The following SBF2 variants were observed in gnomAD, a reference collection of about 807,000 sequenced individuals.
SBF2 encodes SET binding factor 2.
In SBF2, 112 loss-of-function variants were observed where a neutral mutation model predicts 225.2. The observed-to-expected ratio is 0.50, with a 90% CI of 0.43 to 0.58. The LOEUF is 0.58. Among genes scored for constraint, SBF2 ranks in the 20% least tolerant of loss-of-function variants. SBF2 has a pLI of 0.00. For missense variants in SBF2, 1,996 were observed against 2,206.2 expected (o/e 0.90, Z 1.91); for synonymous variants, 763 against 773.3 (o/e 0.99, Z 0.22).
intron 2 of SBF2, among the ~76,000 whole-genome samples, chr11:10,192,908 C>T (rs11042656): frequency 0.095 from 14,461 of 152,180 alleles, 940 homozygotes; most frequent in East Asian, 0.28. Context: ...AACCAAACTT[C>T]GTAGACATAT....
At chr11:10,241,456 AAGATG>A (rs756372242) in intron 1 of SBF2, among the ~76,000 whole-genome samples, 73 of 152,228 alleles carry the variant, frequency 4.8e-4, no homozygotes, top group Admixed American at 9.2e-4. Flanking sequence ...GAAGTAAATA[AAGATG>A]AGAACAGAAT....
At chr11:9,963,501 C>G (rs1355714925) in intron 15 of SBF2, among the ~76,000 whole-genome samples, 1 of 152,000 alleles carries the variant, frequency 6.6e-6, no homozygotes, top group Non-Finnish European at 1.5e-5. Context: ...TTTTAAGTTT[C>G]TAAGTAATAT....
intron 2 of SBF2, among the ~76,000 whole-genome samples, chr11:10,118,687 C>T (rs1334592088): frequency 1.3e-5 from 2 of 151,938 alleles, no homozygotes; most frequent in Admixed American, 1.3e-4. Context: ...ATGTAATGTA[C>T]CTGTTCCCCC....
chr11:10,186,640 A>C (rs1240212976), intron 2 of SBF2, among the ~76,000 whole-genome samples: 1 of 152,210 alleles, frequency 6.6e-6, no homozygotes, highest in Non-Finnish European at 1.5e-5. Flanking sequence ...ATAACTGGTT[A>C]AATCATTGCC....
At chr11:9,784,299 G>T in intron 38 of SBF2, 52 bp downstream of exon 38, 2 of 1,321,020 alleles carry the variant, frequency 1.5e-6, no homozygotes, top group South Asian at 1.2e-5. Context: ...AATAGCCAGG[G>T]ACTGGGACTA....
intron 1 of SBF2, among the ~76,000 whole-genome samples, chr11:10,233,348 T>C (rs997763516): frequency 1.3e-5 from 2 of 152,154 alleles, no homozygotes; most frequent in African/African-American, 4.8e-5. Flanking sequence ...GGAAGAATTC[T>C]ATTCCTGTCT....
At chr11:10,285,367 G>A (rs1469936930) in intron 1 of SBF2, among the ~76,000 whole-genome samples, 1 of 151,720 alleles carries the variant, frequency 6.6e-6, no homozygotes, top group African/African-American at 2.4e-5. Flanking sequence ...AGGAAAAAGG[G>A]AGGGAGGGAC....
intron 17 of SBF2, among the ~76,000 whole-genome samples, chr11:9,887,265 T>C (rs2134106259): frequency 6.6e-6 from 1 of 151,946 alleles, no homozygotes; most frequent in Non-Finnish European, 1.5e-5. Flanking sequence ...AAAAATACTG[T>C]TAATTATTCA....
chr11:9,865,515 C>T (rs968109884), intron 17 of SBF2, among the ~76,000 whole-genome samples: 2 of 151,632 alleles, frequency 1.3e-5, no homozygotes, highest in Non-Finnish European at 2.9e-5. Flanking sequence ...CATAGTGAAA[C>T]CCTGTCTCTA....
At chr11:10,053,468 T>A (rs1950132205) in intron 2 of SBF2, among the ~76,000 whole-genome samples, 1 of 152,212 alleles carries the variant, frequency 6.6e-6, no homozygotes, top group South Asian at 2.1e-4. Flanking sequence ...TTATAAACTA[T>A]ATTCTGACCA....
chr11:10,300,923 A>T (rs1393134799), intron 1 of SBF2, among the ~76,000 whole-genome samples: 1 of 151,420 alleles, frequency 6.6e-6, no homozygotes, highest in African/African-American at 2.4e-5. Context: ...TGCTAGGATT[A>T]CAGGCACGAG....
chr11:10,165,425 A>G (rs1955908374), intron 2 of SBF2, among the ~76,000 whole-genome samples: 1 of 152,232 alleles, frequency 6.6e-6, no homozygotes, highest in African/African-American at 2.4e-5. Flanking sequence ...TGACTGCCAG[A>G]ATAATAGCAA....
At chr11:10,288,718 T>C (rs1963958101) in intron 1 of SBF2, among the ~76,000 whole-genome samples, 1 of 151,934 alleles carries the variant, frequency 6.6e-6, no homozygotes, top group African/African-American at 2.4e-5. Flanking sequence ...CATCTCTGCA[T>C]CTATCAGCAG....
chr11:9,832,093 T>C, intron 27 of SBF2, 131 bp downstream of exon 27: 1 of 769,124 alleles, frequency 1.3e-6, no homozygotes, highest in Non-Finnish European at 2.3e-6. Context: ...ATGTTGCATG[T>C]AGCAAAGTGG....
chr11:10,255,164 T>C (rs1021718491), intron 1 of SBF2, among the ~76,000 whole-genome samples: 2 of 152,068 alleles, frequency 1.3e-5, no homozygotes, highest in Admixed American at 6.5e-5. Context: ...AAGAGAACTA[T>C]TGTATGTCAT....
At chr11:10,287,071 T>A (rs1205496248) in intron 1 of SBF2, among the ~76,000 whole-genome samples, 1 of 152,102 alleles carries the variant, frequency 6.6e-6, no homozygotes, top group Admixed American at 6.6e-5. Flanking sequence ...CAACTGCCAA[T>A]AAATTCAACA....
In SBF2 at chr11:10,237,117, C is replaced by T. The variant is rs553873822; in HGVS notation, c.56-43130G>A. Among the ~76,000 whole-genome samples, 18 of 152,110 alleles carry T rather than the reference C, an allele frequency of 1.2e-4. No homozygotes were observed. The South Asian group carries it at 2.7e-3, about 23-fold the overall frequency. On this transcript the variant is annotated intron_variant, in intron 1 of 39. Transcript: ENST00000256190. ...GGAGCCACATTTTGGGAGGCTGAGG[C>T]GGGCAGATCACCTGAGGCCAGGAGT...
chr11:10,221,284 A>C (rs1271099144), intron 1 of SBF2, among the ~76,000 whole-genome samples: 2 of 151,890 alleles, frequency 1.3e-5, no homozygotes, highest in African/African-American at 4.8e-5. Flanking sequence ...CGCCCAGCTA[A>C]TTTTTGTATT....
intron 2 of SBF2, among the ~76,000 whole-genome samples, chr11:10,181,384 A>G (rs74845337): frequency 0.073 from 11,098 of 152,016 alleles, 587 homozygotes; most frequent in East Asian, 0.28. Context: ...CTTACCTAAA[A>G]CTGTCACTTT....
Sources: gnomAD v4.1 joint callset for allele counts (sites outside exome capture counted in the v4.1 genomes callset) on GRCh38, gnomAD v4.1.1 for gene constraint, MANE v1.5 for transcripts, NCBI Gene and HGNC (gene_info 2026-07-23, HGNC 2026-07-21) for gene names.